Variants in MKX observed in about 807,000 individuals in gnomAD.
MKX encodes homeobox protein Mohawk.
Under a neutral mutation model 36.0 loss-of-function variants are expected in MKX, and 13 were observed. That is an observed-to-expected ratio of 0.36 (90% CI 0.24 to 0.57). MKX has a LOEUF of 0.57. Among genes scored for constraint, MKX ranks in the 20% least tolerant of loss-of-function variants. MKX has a pLI of 0.79. For missense variants in MKX, 458 were observed against 456.4 expected (o/e 1.00, Z -0.03); for synonymous variants, 176 against 178.3 (o/e 0.99, Z 0.10).
chr10:27,676,134 A>T (rs1313875159), intron 5 of MKX, among the ~76,000 whole-genome samples: 1 of 152,182 alleles, frequency 6.6e-6, no homozygotes, highest in Admixed American at 6.5e-5. Flanking sequence ...ATAGCTGGGT[A>T]TGGTGGGTGT....
At chr10:27,699,852 A>C (rs1836621171) in intron 5 of MKX, among the ~76,000 whole-genome samples, 2 of 152,220 alleles carry the variant, frequency 1.3e-5, no homozygotes, top group East Asian at 3.8e-4. Context: ...CATTGAAAGC[A>C]GATTGTAGTA....
At chr10:27,678,461 A>G (rs754560209) in intron 5 of MKX, among the ~76,000 whole-genome samples, 3 of 152,190 alleles carry the variant, frequency 2.0e-5, no homozygotes, top group Non-Finnish European at 4.4e-5. Flanking sequence ...ACAAAACATA[A>G]TTTAGAGAAG....
chr10:27,701,827 G>GTATATA (rs10609979), intron 5 of MKX, among the ~76,000 whole-genome samples: 9 of 145,500 alleles, frequency 6.2e-5, no homozygotes, highest in African/African-American at 2.3e-4. Flanking sequence ...GTGTGTGTGT[G>GTATATA]TATATATATA....
rs58561142 is a variant in MKX at position 27,711,499 on chromosome 10, TTTCCTTCCTTCCTTCCTTCC to T, written c.838+22937_838+22956del. Among the ~76,000 whole-genome samples, 10 of 93,074 alleles carry T rather than the reference TTTCCTTCCTTCCTTCCTTCC, an allele frequency of 1.1e-4. No individual in the cohort carries two copies. The South Asian group carries it at 1.3e-3, about 12-fold the overall frequency. The allele number at this position is 93,074 out of a possible 152,430, so 61.1% of individuals were successfully genotyped here. On this transcript the variant is annotated intron_variant, in intron 5 of 6. Coordinates refer to ENST00000419761, the MANE Select transcript of MKX (RefSeq NM_173576.3). ...TCTTTCTTTCTCTCTCTCTCTCTTCTTTCCTTCCTTCCTTCCTTCCTTCCTTCCTTCCTTCCTTCCTTTTT... is the reference window on the plus strand; with the variant it reads ...TCTTTCTTTCTCTCTCTCTCTCTTCTTTCCTTCCTTCCTTCCTTCCTTTTT...
At chr10:27,743,561 G>T in intron 1 of MKX, 64 bp from the exon 2 acceptor site, 1 of 914,282 alleles carries the variant, frequency 1.1e-6, no homozygotes, top group Non-Finnish European at 1.5e-6. Context: ...TGCAGGTTCA[G>T]GGCCTTGAAC....
chr10:27,679,119 C>CG (rs1443127816), intron 5 of MKX, among the ~76,000 whole-genome samples: 1 of 147,984 alleles, frequency 6.8e-6, no homozygotes, highest in East Asian at 2.0e-4. Context: ...CAGGGCCTGT[C>CG]GGGAGGTGGG....
chr10:27,714,276 G>C (rs1212197704), intron 5 of MKX, among the ~76,000 whole-genome samples: 2 of 152,040 alleles, frequency 1.3e-5, no homozygotes, highest in African/African-American at 4.8e-5. Context: ...GAGCAGCTTG[G>C]AGCCATGTTT....
intron 5 of MKX, among the ~76,000 whole-genome samples, chr10:27,676,892 C>T (rs1836162669): frequency 6.6e-6 from 1 of 152,174 alleles, no homozygotes. Flanking sequence ...GCACTCACAT[C>T]TTTGGTTTAG....
chr10:27,700,056 C>A (rs1053617769), intron 5 of MKX, among the ~76,000 whole-genome samples: 4 of 152,160 alleles, frequency 2.6e-5, no homozygotes, highest in Non-Finnish European at 5.9e-5. Context: ...ATTTGGCCTC[C>A]ATAATTCTGG....
chr10:27,689,730 A>G (rs1836419252), intron 5 of MKX, among the ~76,000 whole-genome samples: 1 of 151,622 alleles, frequency 6.6e-6, no homozygotes, highest in Non-Finnish European at 1.5e-5. Context: ...AAATCTTGCC[A>G]AGAGATCTAC....
chr10:27,741,252 A>G lies in MKX; in HGVS notation c.348+93T>C, dbSNP rs1367118737. The G allele has an allele frequency of 1.3e-6, 2 of 1,507,306 alleles. No homozygotes were observed. The highest frequency in any genetic ancestry group is 1.8e-6 in the Non-Finnish European group (2 of 1,100,900). The allele number at this position is 1,507,306 out of a possible 1,614,324, so 93.4% of individuals were successfully genotyped here. A position where few individuals can be genotyped will look rare whatever the true frequency, so the allele number is the denominator to read the frequency against. ...TCGGCTCCATCCCTCTCCAGGTAGA[A>G]GCGCCACGTGGAGAGCCACACGAAC... On this transcript the variant is annotated intron_variant, in intron 3 of 6. Coordinates refer to ENST00000419761, the MANE Select transcript of MKX (RefSeq NM_173576.3). The surrounding 1 kb of genome is among the most constrained non-coding windows in gnomAD (Gnocchi z 5.1).
At position 27,741,809 on chromosome 10, in the gene MKX, T is replaced by C. The variant is rs1267574830; in HGVS notation, c.189-305A>G. Among the ~76,000 whole-genome samples, 3 of 152,204 alleles carry C rather than the reference T, an allele frequency of 2.0e-5. No homozygotes were observed. The highest frequency in any genetic ancestry group is 2.9e-5 in the Non-Finnish European group (2 of 68,022). On this transcript the variant is annotated intron_variant, in intron 2 of 6. Transcript: ENST00000419761. This position sits in a 1 kb window ranked among gnomAD's most constrained non-coding sequence, Gnocchi z 5.1. ...AGAATACTGCTATTCCAGTCGCGTA[T>C]CTGGGCAGCGGGGCTAACTGCTACC...
Position 27,734,567 on chromosome 10 carries a change from C to T in MKX, c.727G>A (p.Gly243Arg), listed in dbSNP as rs1041023861. Residue 243 changes from glycine (G) to arginine (R), a missense_variant, in exon 5 of 7, where the codon GGA (glycine) becomes AGA (arginine). Transcript: ENST00000419761. ...GAGTGGTTTCTTTGCCTTGTTTTTCCCATCATGGTAGTGTTCGTGGCCATG... is the reference window on the plus strand; with the variant it reads ...GAGTGGTTTCTTTGCCTTGTTTTTCTCATCATGGTAGTGTTCGTGGCCATG... Reference protein sequence around the residue: ...HVMATNTTMMGKTRQRNHSGS... With the variant: ...HVMATNTTMMRKTRQRNHSGS... The T allele has an allele frequency of 1.2e-6, 2 of 1,614,138 alleles. No individual in the cohort carries two copies. Among genetic ancestry groups the T allele is most frequent in the Non-Finnish European group, 1.7e-6 (2 of 1,180,020 alleles).
At chr10:27,740,806 T>C (rs955917591) in intron 3 of MKX, among the ~76,000 whole-genome samples, 1 of 152,210 alleles carries the variant, frequency 6.6e-6, no homozygotes, top group Admixed American at 6.5e-5. Flanking sequence ...GGGTTGTTGA[T>C]CCAAACATCA....
intron 5 of MKX, among the ~76,000 whole-genome samples, chr10:27,688,349 C>G (rs1031419229): frequency 3.3e-5 from 5 of 152,134 alleles, no homozygotes; most frequent in Admixed American, 1.3e-4. Flanking sequence ...GGGCAAAAGC[C>G]CATCAGCTCA....
At chr10:27,713,526 G>A (rs539940151) in intron 5 of MKX, among the ~76,000 whole-genome samples, 34 of 152,310 alleles carry the variant, frequency 2.2e-4, no homozygotes, top group Admixed American at 1.4e-3. Context: ...TGAACCAGGA[G>A]CTTAGAGACT....
intron 5 of MKX, among the ~76,000 whole-genome samples, chr10:27,704,293 T>G (rs933556245): frequency 2.0e-5 from 3 of 152,142 alleles, no homozygotes; most frequent in Non-Finnish European, 2.9e-5. Flanking sequence ...TGTAACACAA[T>G]TTCATTAAAA....
chr10:27,676,282 TTAAAA>T (rs1400968060), intron 5 of MKX, among the ~76,000 whole-genome samples: 4 of 126,720 alleles, frequency 3.2e-5, no homozygotes, highest in Admixed American at 8.0e-5. Context: ...TCTAAGAAAA[TTAAAA>T]TAAAAAAGGG....
At chr10:27,684,815 G>T (rs77569690) in intron 5 of MKX, among the ~76,000 whole-genome samples, 1,659 of 152,340 alleles carry the variant, frequency 0.011, 41 homozygotes, top group African/African-American at 0.038. Flanking sequence ...GGAGCGGGGG[G>T]TTTGAGATGA....
Sources: gnomAD v4.1 joint callset for allele counts (sites outside exome capture counted in the v4.1 genomes callset) on GRCh38, gnomAD v4.1.1 for gene constraint, Gnocchi (gnomAD v3.1) non-coding constraint, MANE v1.5 for transcripts, NCBI Gene and HGNC (gene_info 2026-07-23, HGNC 2026-07-21) for gene names.